TSPAN33: variants seen among roughly 807,000 people sequenced by gnomAD.
TSPAN33 encodes tetraspanin-33.
In TSPAN33, 27 loss-of-function variants were observed where a neutral mutation model predicts 34.8. That is an observed-to-expected ratio of 0.78 (90% confidence interval 0.57 to 1.07). The LOEUF (loss-of-function observed/expected upper bound fraction) is 1.07, where lower values mean the gene tolerates loss of function less well. Ranked by LOEUF, TSPAN33 falls within the 50% of genes least tolerant of loss-of-function variation. The probability of loss-of-function intolerance (pLI) is 0.00; values close to 1 mark genes in which losing one functional copy is unlikely to be tolerated. For missense variants in TSPAN33, 272 were observed against 324.9 expected, an observed-to-expected ratio of 0.84 and a Z score of 1.25; for synonymous variants, 119 against 124.2, an observed-to-expected ratio of 0.96 and a Z score of 0.28.
intron 1 of TSPAN33, among the ~76,000 whole-genome samples, chr7:129,146,026 G>A (rs1010178001): frequency 6.6e-6 from 1 of 152,000 alleles, no homozygotes; most frequent in African/African-American, 2.4e-5. Flanking sequence ...AGAACATAGG[G>A]ACATCCTTCC....
chr7:129,164,782 G>C (rs1165873899), intron 5 of TSPAN33: 2 of 483,932 alleles, frequency 4.1e-6, no homozygotes, highest in South Asian at 4.4e-5. Flanking sequence ...TGTTATAAAT[G>C]GTTACCTACA....
chr7:129,154,738 T>A (rs1226503045), intron 1 of TSPAN33, among the ~76,000 whole-genome samples: 1 of 152,130 alleles, frequency 6.6e-6, no homozygotes, highest in Admixed American at 6.5e-5. Context: ...CGAAACTCTG[T>A]CTCAAAAAAT....
At chr7:129,150,062 T>C (rs1810572817) in intron 1 of TSPAN33, among the ~76,000 whole-genome samples, 1 of 152,180 alleles carries the variant, frequency 6.6e-6, no homozygotes. Context: ...AGGGTTTTGA[T>C]TGCCACACAG....
intron 4 of TSPAN33, among the ~76,000 whole-genome samples, chr7:129,164,127 C>T (rs1370441413): frequency 6.6e-6 from 1 of 152,118 alleles, no homozygotes; most frequent in East Asian, 1.9e-4. Flanking sequence ...AGTGCCTCAG[C>T]TCAGTAAGCT....
chr7:129,153,043 G>A (rs1358889846), intron 1 of TSPAN33, among the ~76,000 whole-genome samples: 11 of 98,208 alleles, frequency 1.1e-4, no homozygotes, highest in African/African-American at 4.0e-4. Flanking sequence ...TGGGCAACAA[G>A]AGTGAAACTC....
In TSPAN33 at chr7:129,148,787, T is replaced by C. The variant is rs1810553685; in HGVS notation, c.102+3705T>C. Among the ~76,000 whole-genome samples, 1 of 152,200 alleles carries C rather than the reference T, an allele frequency of 6.6e-6. No homozygotes were observed. The highest frequency in any genetic ancestry group is 1.5e-5 in the Non-Finnish European group (1 of 68,032). On this transcript the variant is annotated intron_variant, in intron 1 of 7. Transcript: ENST00000486685. This position sits in a 1 kb window ranked among gnomAD's most constrained non-coding sequence, Gnocchi z 4.2. ...ACCCTTGTCCAGGTCTTCCCTAGGC[T>C]GAGCCAAGCCACCAGTGGGGCATCT... is the stretch of plus-strand genomic sequence containing the variant.
Position 129,145,202 on chromosome 7 carries a change from G to A in TSPAN33, c.102+120G>A, listed in dbSNP as rs1183382615. 5 of 461,598 alleles carry A rather than the reference G, an allele frequency of 1.1e-5. No homozygotes were observed. The East Asian group carries it at 1.5e-4, about 14-fold the overall frequency. 28.6% of individuals were successfully genotyped at this position (461,598 alleles called of 1,614,324 possible). A position where few individuals can be genotyped will look rare whatever the true frequency, so the allele number is the denominator to read the frequency against. ...GAGTTTTCTGGGCTGACGGCACTTT[G>A]GGGGAATTTATCCTGGGGAGGGACA... On this transcript the variant is annotated intron_variant, in intron 1 of 7. Coordinates refer to ENST00000486685, the MANE Select transcript of TSPAN33 (RefSeq NM_178562.5).
At chr7:129,147,160 A>G (rs2150619508) in intron 1 of TSPAN33, among the ~76,000 whole-genome samples, 1 of 152,250 alleles carries the variant, frequency 6.6e-6, no homozygotes, top group East Asian at 1.9e-4. Context: ...AGACTCATAA[A>G]AAATCAGAGG....
At chr7:129,146,925 C>A (rs2150619353) in intron 1 of TSPAN33, among the ~76,000 whole-genome samples, 1 of 152,260 alleles carries the variant, frequency 6.6e-6, no homozygotes, top group African/African-American at 2.4e-5. Context: ...ATCTGTTACA[C>A]TTGTGTTCCT....
At chr7:129,162,558 C>T (rs1481370662) in intron 3 of TSPAN33, 37 bp downstream of exon 3, 2 of 1,606,898 alleles carry the variant, frequency 1.2e-6, no homozygotes, top group South Asian at 1.1e-5. Context: ...GACCCTGGCC[C>T]TCTCCCCATC....
chr7:129,151,155 G>A (rs1052941311), intron 1 of TSPAN33, among the ~76,000 whole-genome samples: 2 of 152,074 alleles, frequency 1.3e-5, no homozygotes, highest in Non-Finnish European at 2.9e-5. Flanking sequence ...TAGACATGGT[G>A]TTGCTCTTTG....
At chr7:129,166,526 T>C (rs1171039337) in intron 5 of TSPAN33, 2 of 380,916 alleles carry the variant, frequency 5.3e-6, no homozygotes, top group Admixed American at 9.0e-5. Context: ...AAAATATATG[T>C]ACAACTGTAA....
At position 129,162,588 on chromosome 7, in the gene TSPAN33, G is replaced by A. The variant is rs1793070328; in HGVS notation, c.288+67G>A. The stretch of plus-strand genomic sequence containing the variant: ...CCCATCATGCCTCTTAGCCTCCCAC[G>A]GCCCTTTGGTTGCCTTGTCCTACCC... On this transcript the variant is annotated intron_variant, in intron 3 of 7. Coordinates refer to ENST00000486685, the MANE Select transcript of TSPAN33 (RefSeq NM_178562.5). The A allele has an allele frequency of 3.2e-5, 51 of 1,595,228 alleles. No homozygotes were observed. The South Asian group carries it at 4.3e-4, about 14-fold the overall frequency.
At chr7:129,155,330 C>T (rs1810651777) in intron 1 of TSPAN33, among the ~76,000 whole-genome samples, 1 of 152,106 alleles carries the variant, frequency 6.6e-6, no homozygotes, top group African/African-American at 2.4e-5. Context: ...TTCTAGTGTT[C>T]AACAGCACAG....
rs534974015 is a variant in TSPAN33 at position 129,165,037 on chromosome 7, C to T, written c.459+468C>T. ...ATTTACCATTTTTAAGCATACAGAT[C>T]CGTGGCATGAAGTACCTTCAATTGT... On this transcript the variant is annotated intron_variant, in intron 5 of 7. Coordinates refer to ENST00000486685, the MANE Select transcript of TSPAN33 (RefSeq NM_178562.5). The surrounding 1 kb of genome is among the most constrained non-coding windows in gnomAD (Gnocchi z 4.5). 1 of 158,860 alleles carries T rather than the reference C, an allele frequency of 6.3e-6. No homozygotes were observed. Among genetic ancestry groups the T allele is most frequent in the African/African-American group, 2.4e-5 (1 of 41,654 alleles). The allele number at this position is 158,860 out of a possible 1,614,324, so 9.8% of individuals were successfully genotyped here. A position where few individuals can be genotyped will look rare whatever the true frequency, so the allele number is the denominator to read the frequency against.
At chr7:129,159,679 C>T (rs925573038) in intron 1 of TSPAN33, among the ~76,000 whole-genome samples, 1 of 152,164 alleles carries the variant, frequency 6.6e-6, no homozygotes, top group South Asian at 2.1e-4. Context: ...GGCCACCAGG[C>T]CTGGGGAATG....
At chr7:129,161,627 G>A in intron 1 of TSPAN33, 52 bp from the exon 2 acceptor site, 1 of 1,589,546 alleles carries the variant, frequency 6.3e-7, no homozygotes, top group Non-Finnish European at 8.6e-7. Context: ...TGGCATTCAG[G>A]GCTCTCTGGT....
At chr7:129,154,598 G>A (rs765734809) in intron 1 of TSPAN33, among the ~76,000 whole-genome samples, 30 of 151,912 alleles carry the variant, frequency 2.0e-4, no homozygotes, top group South Asian at 4.2e-4. Flanking sequence ...AAAATTAGCC[G>A]GGTGTGGTGG....
intron 4 of TSPAN33, among the ~76,000 whole-genome samples, chr7:129,164,086 A>T (rs1793098982): frequency 6.6e-6 from 1 of 152,192 alleles, no homozygotes. Flanking sequence ...GAGTCTAAAG[A>T]GATGCAATTA....
Sources: gnomAD v4.1 joint callset for allele counts (sites outside exome capture counted in the v4.1 genomes callset) on GRCh38, gnomAD v4.1.1 for gene constraint, Gnocchi (gnomAD v3.1) non-coding constraint, MANE v1.5 for transcripts, NCBI Gene and HGNC (gene_info 2026-07-23, HGNC 2026-07-21) for gene names.